The following LRRC53 variants were observed in gnomAD, a reference collection of about 807,000 sequenced individuals.
LRRC53 encodes the protein leucine-rich repeat-containing protein 53.
In LRRC53, 25 loss-of-function variants were observed where a neutral mutation model predicts 13.6. The ratio of observed to expected loss-of-function variants is 1.83; its 90% CI spans 1.34 to 2.56. LRRC53 has a LOEUF of 2.56. Among genes scored for constraint, LRRC53 ranks in the 30% most tolerant of loss-of-function variants. The probability of loss-of-function intolerance (pLI) is 0.00; values close to 1 mark genes in which losing one functional copy is unlikely to be tolerated. For synonymous variants in LRRC53, 204 were observed against 109.8 expected (o/e 1.86, Z -5.37); for missense variants, 527 against 275.8 (o/e 1.91, Z -6.45).
intron 1 of LRRC53, among the ~76,000 whole-genome samples, chr1:74,504,029 A>G (rs1438411064): frequency 2.0e-5 from 3 of 152,208 alleles, no homozygotes; most frequent in Admixed American, 1.3e-4. Context: ...GCCATTTACT[A>G]TATTTACATA....
intron 2 of LRRC53, 30 bp downstream of exon 2, chr1:74,483,232 A>T (rs1438907250): frequency 1.4e-6 from 1 of 716,218 alleles, no homozygotes; most frequent in South Asian, 1.5e-5. Context: ...TACACTGAGC[A>T]CTGCTTTTTA....
chr1:74,474,596 G>A (rs931613519), intron 4 of LRRC53, among the ~76,000 whole-genome samples: 2 of 152,146 alleles, frequency 1.3e-5, no homozygotes, highest in African/African-American at 4.8e-5. Flanking sequence ...TTACAGAGCA[G>A]CTGTCAACAT....
intron 1 of LRRC53, among the ~76,000 whole-genome samples, chr1:74,509,776 T>C (rs1290412621): frequency 9.9e-6 from 1 of 101,424 alleles, no homozygotes; most frequent in East Asian, 3.4e-4. Context: ...TTTTTTTTTT[T>C]TGAGACAGGG....
At chr1:74,522,025 C>A in the LRRC53 span, among the ~76,000 whole-genome samples, 6 of 152,252 alleles carry the variant, frequency 3.9e-5, no homozygotes, top group South Asian at 1.0e-3. Flanking sequence ...ATATCAACAT[C>A]CCTTCCAGTG....
At chr1:74,515,241 T>C (rs1646332847), upstream of LRRC53, among the ~76,000 whole-genome samples, 1 of 152,184 alleles carries the variant, frequency 6.6e-6, no homozygotes, top group Admixed American at 6.5e-5. Flanking sequence ...ATGACATAAC[T>C]TCATAGAGCT....
intron 1 of LRRC53, among the ~76,000 whole-genome samples, chr1:74,506,921 T>C (rs373444995): frequency 1.3e-5 from 2 of 152,222 alleles, no homozygotes; most frequent in East Asian, 3.8e-4. Flanking sequence ...TTTACCACTT[T>C]CTACTTGGTA....
chr1:74,516,117 G>T (rs1646344104), upstream of LRRC53, among the ~76,000 whole-genome samples: 1 of 152,140 alleles, frequency 6.6e-6, no homozygotes, highest in Admixed American at 6.6e-5. Context: ...GGTCTGAAGT[G>T]CAAATCATCC....
Position 74,480,145 on chromosome 1 carries a change from C to G in LRRC53, c.904+8G>C, listed in dbSNP as rs151235167. 1 of 712,324 alleles carries G rather than the reference C, an allele frequency of 1.4e-6. No homozygotes were observed. The highest frequency in any genetic ancestry group is 1.8e-5 in the African/African-American group (1 of 57,134). 44.1% of individuals were successfully genotyped at this position (712,324 alleles called of 1,614,324 possible). ...GAAAAGAGGAGGGCACACTTCTCCCCGGCATACCTGCGAAGCCAAGGACAG... is the reference window on the plus strand; with the variant it reads ...GAAAAGAGGAGGGCACACTTCTCCCGGGCATACCTGCGAAGCCAAGGACAG... On this transcript the variant is annotated splice_region_variant and intron_variant, in intron 3 of 4. Transcript: ENST00000294635.
rs1436419153 is a variant in LRRC53, at chr1:74,480,982, A to C, written c.89-14T>G. 7.2e-6 allele frequency: 5 copies of C among 697,782 alleles called. No homozygotes were observed. The Admixed American group carries it at 1.0e-4, about 14-fold the overall frequency. The allele number at this position is 697,782 out of a possible 1,614,324, so 43.2% of individuals were successfully genotyped here. A position where few individuals can be genotyped will look rare whatever the true frequency, so the allele number is the denominator to read the frequency against. On this transcript the variant is annotated splice_polypyrimidine_tract_variant and intron_variant, in intron 2 of 4. Coordinates refer to ENST00000294635, the MANE Select transcript of LRRC53 (RefSeq NM_001382280.1). ...TCATAGGGGCTGCTGTGGGGAAAAA[A>C]GCACAGACTAGATGCAGGGTACACA...
intron 1 of LRRC53, among the ~76,000 whole-genome samples, chr1:74,512,284 GAC>G (rs1310561954): frequency 6.6e-6 from 1 of 152,162 alleles, no homozygotes; most frequent in Non-Finnish European, 1.5e-5. Flanking sequence ...GAGTGACATA[GAC>G]ACAGTAGAGC....
At chr1:74,505,466 T>C (rs1291899387) in intron 1 of LRRC53, among the ~76,000 whole-genome samples, 1 of 152,220 alleles carries the variant, frequency 6.6e-6, no homozygotes, top group East Asian at 1.9e-4. Flanking sequence ...ATGATTCAGA[T>C]ACAAGAGCAA....
intron 3 of LRRC53, among the ~76,000 whole-genome samples, chr1:74,478,219 G>A (rs1402118545): frequency 6.6e-6 from 1 of 152,064 alleles, no homozygotes; most frequent in Non-Finnish European, 1.5e-5. Flanking sequence ...TCTTTTTAAA[G>A]AAGAATCTCT....
Position 74,480,224 on chromosome 1 carries a change from A to C in LRRC53, c.833T>G (p.Leu278Arg), listed in dbSNP as rs1276879357. 4 of 717,428 alleles carry C rather than the reference A, an allele frequency of 5.6e-6. No individual in the cohort carries two copies. The highest frequency in any genetic ancestry group is 3.5e-5 in the African/African-American group (2 of 57,280). 44.4% of individuals were successfully genotyped at this position (717,428 alleles called of 1,614,324 possible). A position where few individuals can be genotyped will look rare whatever the true frequency, so the allele number is the denominator to read the frequency against. The change falls in exon 3 of 5, where the codon CTG (leucine) becomes CGG (arginine). Residue 278 changes from leucine (L) to arginine (R), a missense_variant. Transcript: ENST00000294635. Reference sequence around the variant, plus strand: ...GAGGGGACTTCTGTCCTTTAGAACCAGAGTGAAGTTGGGAGCTTTGGAATC... The same window carrying C: ...GAGGGGACTTCTGTCCTTTAGAACCCGAGTGAAGTTGGGAGCTTTGGAATC... ...NCDSKAPNFTLVLKDRSPLLP... is the reference protein window; with the variant it reads ...NCDSKAPNFTRVLKDRSPLLP...
chr1:74,505,477 T>C (rs1669845498), intron 1 of LRRC53, among the ~76,000 whole-genome samples: 1 of 152,184 alleles, frequency 6.6e-6, no homozygotes, highest in Admixed American at 6.5e-5. Flanking sequence ...ACAAGAGCAA[T>C]GATTTCTAAA....
In LRRC53 at chr1:74,480,340, C is replaced by T. The variant is rs745901626; in HGVS notation, c.717G>A (p.Thr239=). Residue 239 remains threonine (T), a synonymous_variant, in exon 3 of 5, where the codon ACG becomes ACA. Coordinates refer to ENST00000294635, the MANE Select transcript of LRRC53 (RefSeq NM_001382280.1). ...AATTTAGGTCCTTGGCATTCCTGAGCGTGTGAGCAGAAGACTTAATGTAGT... is the reference window on the plus strand; with the variant it reads ...AATTTAGGTCCTTGGCATTCCTGAGTGTGTGAGCAGAAGACTTAATGTAGT... The part of the protein sequence containing the change: ...LRNYIKSSAH[T]LRNAKDLNCQ... 4 of 717,610 alleles carry T rather than the reference C, an allele frequency of 5.6e-6. No individual in the cohort carries two copies. Among genetic ancestry groups the T allele is most frequent in the Non-Finnish European group, 1.0e-5 (4 of 385,178 alleles). The allele number at this position is 717,610 out of a possible 1,614,324, so 44.5% of individuals were successfully genotyped here.
chr1:74,534,495 C>A, the LRRC53 span, among the ~76,000 whole-genome samples: 1 of 152,112 alleles, frequency 6.6e-6, no homozygotes, highest in Non-Finnish European at 1.5e-5. Flanking sequence ...AGTTTGGAAG[C>A]CACAACACTG....
rs1668591042 is a variant in LRRC53 at position 74,483,243 on chromosome 1, G to A, written c.88+19C>T. On this transcript the variant is annotated intron_variant, in intron 2 of 4. Transcript: ENST00000294635. Reference sequence around the variant, plus strand: ...CAGGTACACTGAGCACTGCTTTTTAGAGTTATTAGTTTTATTACCTACTAT... The same window carrying A: ...CAGGTACACTGAGCACTGCTTTTTAAAGTTATTAGTTTTATTACCTACTAT... 1.4e-6 allele frequency: 1 copy of A among 716,526 alleles called. No individual in the cohort carries two copies. Among genetic ancestry groups the A allele is most frequent in the Admixed American group, 2.0e-5 (1 of 49,962 alleles). The allele number at this position is 716,526 out of a possible 1,614,324, so 44.4% of individuals were successfully genotyped here. A position where few individuals can be genotyped will look rare whatever the true frequency, so the allele number is the denominator to read the frequency against.
intron 1 of LRRC53, among the ~76,000 whole-genome samples, chr1:74,490,457 A>T (rs1406632704): frequency 6.6e-6 from 1 of 152,192 alleles, no homozygotes; most frequent in Non-Finnish European, 1.5e-5. Context: ...GGATTCCAGA[A>T]AAAAGGAATC....
chr1:74,473,062 T>C (rs1186416234), intron 4 of LRRC53, among the ~76,000 whole-genome samples: 1 of 152,126 alleles, frequency 6.6e-6, no homozygotes, highest in Non-Finnish European at 1.5e-5. Context: ...CTTCTTAATG[T>C]CTGCCTCTAA....
Sources: allele counts gnomAD v4.1 joint callset (sites outside exome capture counted in the v4.1 genomes callset), GRCh38; gene constraint gnomAD v4.1.1; transcripts MANE v1.5; gene names NCBI Gene and HGNC (gene_info 2026-07-23, HGNC 2026-07-21).